KLRG1: variants seen among roughly 807,000 people sequenced by gnomAD.
KLRG1 encodes killer cell lectin like receptor G1.
In KLRG1, 16 loss-of-function variants were observed where a neutral mutation model predicts 21.8. That is an observed-to-expected ratio of 0.73 (90% CI 0.50 to 1.11). The LOEUF (loss-of-function observed/expected upper bound fraction) is 1.11, where lower values mean the gene tolerates loss of function less well. Ranked by LOEUF, KLRG1 falls within the 50% of genes most tolerant of loss-of-function variation. The pLI is 0.00. For synonymous variants in KLRG1, 69 were observed against 75.9 expected (o/e 0.91, Z 0.47); for missense variants, 173 against 218.3 (o/e 0.79, Z 1.31).
chr12:9,032,689 T>G, the KLRG1 span, among the ~76,000 whole-genome samples: 7 of 152,180 alleles, frequency 4.6e-5, no homozygotes, highest in Non-Finnish European at 7.4e-5. Context: ...CCCCAATTAC[T>G]CCTGTAGATG....
At chr12:9,196,483 C>A in the KLRG1 span, 1 of 1,573,062 alleles carries the variant, frequency 6.4e-7, no homozygotes, top group South Asian at 1.1e-5. Context: ...TTACTTTAGT[C>A]ATAAAATTTC....
At chr12:9,052,223 T>G in the KLRG1 span, among the ~76,000 whole-genome samples, 6 of 152,236 alleles carry the variant, frequency 3.9e-5, no homozygotes, top group Non-Finnish European at 5.9e-5. Context: ...TATTGGCTCT[T>G]TCGAGGACAC....
chr12:9,009,166 TGGAGA>T, intron 4 of KLRG1, 91 bp downstream of exon 4: 1 of 1,012,386 alleles, frequency 9.9e-7, no homozygotes, highest in Non-Finnish European at 1.4e-6. Context: ...GAAGAGCAGA[TGGAGA>T]GGAGAGGAAA....
the KLRG1 span, among the ~76,000 whole-genome samples, chr12:9,117,546 G>A: frequency 6.6e-6 from 1 of 152,206 alleles, no homozygotes; most frequent in Non-Finnish European, 1.5e-5. Context: ...AGTGAATTGT[G>A]TTGCCTTTAG....
the KLRG1 span, among the ~76,000 whole-genome samples, chr12:9,179,379 A>G: frequency 6.6e-6 from 1 of 152,196 alleles, no homozygotes; most frequent in African/African-American, 2.4e-5. Context: ...CAATAGATCC[A>G]GCATGTAGTA....
chr12:9,163,835 C>A, the KLRG1 span: 1 of 1,588,220 alleles, frequency 6.3e-7, no homozygotes, highest in Non-Finnish European at 8.6e-7. Flanking sequence ...TTTGATAGTC[C>A]AATCACCTTT....
the KLRG1 span, chr12:9,161,164 A>G: frequency 1.4e-6 from 2 of 1,411,958 alleles, no homozygotes; most frequent in Non-Finnish European, 2.0e-6. Context: ...TATGATTACA[A>G]TATAATTTAG....
the KLRG1 span, among the ~76,000 whole-genome samples, chr12:9,138,494 T>C: frequency 6.6e-6 from 1 of 152,054 alleles, no homozygotes; most frequent in East Asian, 1.9e-4. Context: ...CTTGTCTGGC[T>C]TTGGTAGCAG....
the KLRG1 span, chr12:9,093,548 G>T: frequency 6.2e-7 from 1 of 1,610,312 alleles, no homozygotes. Flanking sequence ...CATGCACCAG[G>T]CGTGCATGGC....
chr12:9,164,130 C>A, the KLRG1 span: 2 of 1,610,472 alleles, frequency 1.2e-6, no homozygotes, highest in South Asian at 2.2e-5. Context: ...TACTGTCACT[C>A]ACCCAGAGTT....
chr12:9,148,762 C>A, the KLRG1 span: 1 of 498,106 alleles, frequency 2.0e-6, no homozygotes, highest in East Asian at 3.5e-5. Context: ...ACCTTTGCAC[C>A]AAAATTAAAC....
At chr12:9,158,695 T>C in the KLRG1 span, 2 of 962,754 alleles carry the variant, frequency 2.1e-6, no homozygotes, top group South Asian at 2.8e-5. Context: ...CAGCTGTTAC[T>C]GAGAGTTTGG....
chr12:9,211,972 G>A, the KLRG1 span, among the ~76,000 whole-genome samples: 1 of 152,142 alleles, frequency 6.6e-6, no homozygotes, highest in Admixed American at 6.5e-5. Context: ...CTGGCACTGG[G>A]ATGAGGGTCT....
At chr12:9,183,763 A>T in the KLRG1 span, among the ~76,000 whole-genome samples, 1 of 152,180 alleles carries the variant, frequency 6.6e-6, no homozygotes, top group Non-Finnish European at 1.5e-5. Flanking sequence ...TTATAACTCT[A>T]CGTAGAATGT....
At chr12:9,201,102 C>T in the KLRG1 span, 4 of 1,606,176 alleles carry the variant, frequency 2.5e-6, no homozygotes, top group Non-Finnish European at 3.4e-6. Context: ...CATTTAGTCA[C>T]AATAGTCCTT....
chr12:9,162,953 C>T, the KLRG1 span, among the ~76,000 whole-genome samples: 1 of 152,098 alleles, frequency 6.6e-6, no homozygotes, highest in African/African-American at 2.4e-5. Context: ...TCAGACAGGC[C>T]CCATATATGT....
chr12:9,065,679 A>G, the KLRG1 span: 3 of 152,430 alleles, frequency 2.0e-5, no homozygotes, highest in African/African-American at 7.2e-5. Flanking sequence ...ATGGGTCCCC[A>G]GTGAAGTCCC....
At chr12:9,127,856 GC>G in the KLRG1 span, 4 of 248,316 alleles carry the variant, frequency 1.6e-5, no homozygotes, top group Non-Finnish European at 3.3e-5. Flanking sequence ...CTGCGACTGG[GC>G]CCCGGGGCCC....
the KLRG1 span, among the ~76,000 whole-genome samples, chr12:9,113,198 G>A: frequency 6.6e-6 from 1 of 150,594 alleles, no homozygotes; most frequent in African/African-American, 2.5e-5. Flanking sequence ...CCCATGGCTG[G>A]AGAGTCATGC....
Sources: allele counts gnomAD v4.1 joint callset (sites outside exome capture counted in the v4.1 genomes callset), GRCh38; gene constraint gnomAD v4.1.1; transcripts MANE v1.5; gene names NCBI Gene and HGNC (gene_info 2026-07-23, HGNC 2026-07-21).